The following ABCG2 variants were observed in gnomAD, a reference collection of about 807,000 sequenced individuals.
ABCG2 encodes ATP binding cassette subfamily G member 2 (JR blood group).
Under a neutral mutation model 73.5 loss-of-function variants are expected in ABCG2, and 80 were observed. That is an observed-to-expected ratio of 1.09 (90% CI 0.91 to 1.31). ABCG2 has a LOEUF of 1.31. Ranked by LOEUF, ABCG2 falls within the 50% of genes most tolerant of loss-of-function variation. The probability of loss-of-function intolerance (pLI) is 0.00; values close to 1 mark genes in which losing one functional copy is unlikely to be tolerated. For missense variants in ABCG2, 796 were observed against 786.2 expected (o/e 1.01, Z -0.15); for synonymous variants, 269 against 282.4 (o/e 0.95, Z 0.48).
intron 1 of ABCG2, among the ~76,000 whole-genome samples, chr4:88,171,975 C>A (rs1727774788): frequency 1.3e-5 from 2 of 152,006 alleles, no homozygotes; most frequent in Middle Eastern, 6.8e-3. Flanking sequence ...CCAGCCTGGG[C>A]AACATGGCAA....
intron 1 of ABCG2, among the ~76,000 whole-genome samples, chr4:88,186,944 T>G (rs901899968): frequency 9.1e-6 from 1 of 110,266 alleles, no homozygotes; most frequent in Non-Finnish European, 1.8e-5. Context: ...AAAAAAAAAT[T>G]TAGCCGGGCA....
intron 1 of ABCG2, among the ~76,000 whole-genome samples, chr4:88,167,405 G>A (rs1349987973): frequency 1.7e-5 from 2 of 115,958 alleles, no homozygotes; most frequent in South Asian, 2.8e-4. Context: ...ATGGAGTCTC[G>A]CCCTGTTGCC....
intron 7 of ABCG2, among the ~76,000 whole-genome samples, chr4:88,115,621 CAAAAAA>C (rs34465562): frequency 1.9e-5 from 2 of 107,946 alleles, no homozygotes; most frequent in Non-Finnish European, 2.0e-5. Context: ...GTCTCTGGGC[CAAAAAA>C]AAAAAAAAAA....
In ABCG2 at chr4:88,178,962, G is replaced by A. The variant is rs116191587; in HGVS notation, c.-19-38948C>T. Among the ~76,000 whole-genome samples, 263 of 152,260 alleles carry A rather than the reference G, an allele frequency of 1.7e-3. 1 individual carries two copies. Among genetic ancestry groups the A allele is most frequent in the African/African-American group, 5.4e-3 (225 of 41,566 alleles). On this transcript the variant is annotated intron_variant, in intron 1 of 15. Coordinates refer to the ABCG2 transcript ENST00000515655. ...ACATCTGTGGACCTGCCCAGGACAG[G>A]GAGAACTTGCTGCCCTGAAGGGAAG... is the stretch of plus-strand genomic sequence containing the variant.
In ABCG2 at chr4:88,097,477, C is replaced by A; in HGVS notation, c.1623G>T (p.Met541Ile). The A allele has an allele frequency of 6.2e-7, 1 of 1,614,038 alleles. No individual in the cohort carries two copies. The highest frequency in any genetic ancestry group is 1.1e-5 in the South Asian group (1 of 91,018). The change falls in exon 13 of 16, where the codon ATG becomes ATT. Residue 541 changes from methionine to isoleucine, a missense_variant. Coordinates refer to ENST00000237612, the MANE Select transcript of ABCG2 (RefSeq NM_004827.3). ...QSVVSVATLLMTICFVFMMIF... is the reference protein window; with the variant it reads ...QSVVSVATLLITICFVFMMIF... ...CCATCATAAACACAAAACAGATGGT[C>A]ATGAGAAGTGTTGCTACAGAAACCA...
chr4:88,110,411 C>T (rs1406619937), intron 9 of ABCG2, among the ~76,000 whole-genome samples: 1 of 151,850 alleles, frequency 6.6e-6, no homozygotes, highest in East Asian at 1.9e-4. Flanking sequence ...GGCATGGTGG[C>T]GGGCACCCGT....
intron 1 of ABCG2, chr4:88,226,965 C>T (rs112807635): frequency 0.019 from 2,963 of 152,126 alleles, 43 homozygotes; most frequent in Non-Finnish European, 0.031. Flanking sequence ...TTTAAAAATT[C>T]GCTGTGTGTG....
chr4:88,210,142 T>C (rs1477601385), intron 1 of ABCG2, among the ~76,000 whole-genome samples: 2 of 151,954 alleles, frequency 1.3e-5, no homozygotes, highest in Non-Finnish European at 1.5e-5. Flanking sequence ...TTGATTGAAT[T>C]AGATATAATT....
At chr4:88,205,279 G>A (rs570174879) in intron 1 of ABCG2, among the ~76,000 whole-genome samples, 1 of 152,290 alleles carries the variant, frequency 6.6e-6, no homozygotes, top group South Asian at 2.1e-4. Context: ...CCAGCAGATT[G>A]CTCTTCCAAG....
chr4:88,220,536 G>GAAA (rs1323270057), intron 1 of ABCG2: 100 of 152,684 alleles, frequency 6.5e-4, no homozygotes, highest in African/African-American at 2.3e-3. Flanking sequence ...GTTTATTGGG[G>GAAA]TGGCTTCCCA....
intron 1 of ABCG2, among the ~76,000 whole-genome samples, chr4:88,205,607 T>A (rs1043543590): frequency 1.3e-4 from 20 of 152,228 alleles, no homozygotes; most frequent in Admixed American, 5.2e-4. Context: ...TTACAATGTT[T>A]GAGGAATCTG....
chr4:88,097,524 C>T lies in ABCG2; in HGVS notation c.1576G>A (p.Ala526Thr), dbSNP rs1163196289. 18 of 1,614,062 alleles carry T rather than the reference C, an allele frequency of 1.1e-5. No homozygotes were observed. The highest frequency in any genetic ancestry group is 1.3e-5 in the Non-Finnish European group (15 of 1,180,012). The change falls in exon 13 of 16, where the codon GCC becomes ACC. Residue 526 changes from alanine to threonine, a missense_variant. Ala to Thr is a moderately conservative substitution (Grantham distance 58). Transcript: ENST00000237612. ...VAYSASSMALAIAAGQSVVSV... is the reference protein window; with the variant it reads ...VAYSASSMALTIAAGQSVVSV... ...ACCACACTCTGACCTGCTGCTATGG[C>T]CAGTGCCATGGAACTGGCTGAATAA...
chr4:88,160,532 T>C (rs1462620893), upstream of ABCG2, among the ~76,000 whole-genome samples: 2 of 152,024 alleles, frequency 1.3e-5, no homozygotes, highest in Admixed American at 6.6e-5. Flanking sequence ...TCTGTAATTA[T>C]GCAAAGTAAA....
chr4:88,210,963 G>T (rs989959758), intron 1 of ABCG2, among the ~76,000 whole-genome samples: 3 of 151,996 alleles, frequency 2.0e-5, no homozygotes, highest in Non-Finnish European at 4.4e-5. Context: ...TGTATTCCCA[G>T]CTACTCAGGA....
chr4:88,181,871 A>G (rs1728267763), intron 1 of ABCG2, among the ~76,000 whole-genome samples: 1 of 152,210 alleles, frequency 6.6e-6, no homozygotes, highest in African/African-American at 2.4e-5. Context: ...AGATAAGAAA[A>G]AAAACAACCA....
At chr4:88,187,488 C>T (rs1462817707) in intron 1 of ABCG2, among the ~76,000 whole-genome samples, 1 of 151,992 alleles carries the variant, frequency 6.6e-6, no homozygotes, top group East Asian at 1.9e-4. Flanking sequence ...TGGTGGGTGC[C>T]TCTAATCCCA....
chr4:88,207,648 A>C (rs887163842), intron 1 of ABCG2, among the ~76,000 whole-genome samples: 2 of 152,136 alleles, frequency 1.3e-5, no homozygotes, highest in Non-Finnish European at 1.5e-5. Flanking sequence ...GCATTCAAGC[A>C]GTCCTCCTGC....
intron 1 of ABCG2, among the ~76,000 whole-genome samples, chr4:88,175,535 C>CTGTA (rs1727927579): frequency 1.3e-5 from 2 of 151,972 alleles, no homozygotes; most frequent in South Asian, 4.1e-4. Flanking sequence ...GATTCTTTTC[C>CTGTA]TTTGTTTTCA....
rs1722224902 is a variant in ABCG2, at chr4:88,099,317, T to A, written c.1492+7A>T. On this transcript the variant is annotated splice_region_variant and intron_variant, in intron 12 of 15. Transcript: ENST00000237612. ...ACATGTCCTTTTTTGTTTTGTTACA[T>A]ACTTACCTAACATGAAGTACACTAT... 5 of 1,587,572 alleles carry A rather than the reference T, an allele frequency of 3.1e-6. No homozygotes were observed. The highest frequency in any genetic ancestry group is 3.4e-6 in the Non-Finnish European group (4 of 1,169,386).
Sources: gnomAD v4.1 joint callset for allele counts (sites outside exome capture counted in the v4.1 genomes callset) on GRCh38, gnomAD v4.1.1 for gene constraint, MANE v1.5 for transcripts, NCBI Gene and HGNC (gene_info 2026-07-23, HGNC 2026-07-21) for gene names.